The following BTBD7 variants were observed in gnomAD, a reference collection of about 807,000 sequenced individuals.
BTBD7 encodes BTB domain containing 7.
BTBD7 carries 38 observed loss-of-function variants against 99.9 expected under a neutral mutation model. The ratio of observed to expected loss-of-function variants is 0.38; its 90% CI spans 0.29 to 0.50. The LOEUF is 0.50. BTBD7 is among the 20% of genes least tolerant of loss of function. The pLI is 0.93. For synonymous variants in BTBD7, 520 were observed against 511.4 expected (o/e 1.02, Z -0.23); for missense variants, 1,170 against 1,394.6 (o/e 0.84, Z 2.57).
chr14:93,288,759 T>G (rs1377678933), intron 3 of BTBD7: 2 of 1,594,920 alleles, frequency 1.3e-6, no homozygotes, highest in African/African-American at 2.7e-5. Context: ...AACCCCTGAG[T>G]GTAATTTCAC....
chr14:93,267,468 T>A (rs2052555060), intron 3 of BTBD7, among the ~76,000 whole-genome samples: 1 of 152,144 alleles, frequency 6.6e-6, no homozygotes, highest in Admixed American at 6.5e-5. Flanking sequence ...CAGTCTGGAG[T>A]ACCTAAGCCG....
At chr14:93,275,427 T>C (rs1310783076) in intron 3 of BTBD7, among the ~76,000 whole-genome samples, 5 of 152,230 alleles carry the variant, frequency 3.3e-5, no homozygotes, top group African/African-American at 9.6e-5. Context: ...TTTAAAGTTG[T>C]AGTTTTCTGT....
At chr14:93,247,430 C>T (rs947077922) in intron 9 of BTBD7, among the ~76,000 whole-genome samples, 1 of 152,194 alleles carries the variant, frequency 6.6e-6, no homozygotes, top group African/African-American at 2.4e-5. Flanking sequence ...TCACAGCAAA[C>T]TCGGCCTCCC....
chr14:93,323,756 C>A (rs1051395394), intron 1 of BTBD7, among the ~76,000 whole-genome samples: 1 of 152,190 alleles, frequency 6.6e-6, no homozygotes, highest in African/African-American at 2.4e-5. Context: ...TCTGATCTCA[C>A]TGGTTTTTCC....
intron 1 of BTBD7, among the ~76,000 whole-genome samples, chr14:93,328,512 G>A (rs550950603): frequency 1.6e-4 from 24 of 150,546 alleles, no homozygotes; most frequent in African/African-American, 5.8e-4. Flanking sequence ...ATGGGAAATG[G>A]ACAGTTTTCT....
At chr14:93,313,529 T>A (rs2053162287) in intron 1 of BTBD7, among the ~76,000 whole-genome samples, 2 of 152,150 alleles carry the variant, frequency 1.3e-5, no homozygotes, top group Admixed American at 1.3e-4. Context: ...TAAAAGTACA[T>A]CACATTCCAC....
chr14:93,261,198 A>G (rs2052486046), intron 5 of BTBD7, among the ~76,000 whole-genome samples: 1 of 152,250 alleles, frequency 6.6e-6, no homozygotes, highest in Non-Finnish European at 1.5e-5. Flanking sequence ...AAACATTTTA[A>G]AGCGTACCAT....
chr14:93,288,674 G>A, intron 3 of BTBD7: 2 of 1,542,936 alleles, frequency 1.3e-6, no homozygotes, highest in Non-Finnish European at 1.8e-6. Flanking sequence ...TGAAAGCTCT[G>A]CTGCACAGGC....
intron 1 of BTBD7, among the ~76,000 whole-genome samples, chr14:93,297,744 G>T (rs1471746608): frequency 6.6e-6 from 1 of 152,208 alleles, no homozygotes; most frequent in Non-Finnish European, 1.5e-5. Flanking sequence ...GGCCAAGTTT[G>T]TGGCCTCATT....
intron 8 of BTBD7, 120 bp downstream of exon 8, chr14:93,251,343 G>A: frequency 9.2e-7 from 1 of 1,087,172 alleles, no homozygotes; most frequent in South Asian, 2.3e-5. Context: ...AGGAGAACAA[G>A]GCATAAAAAG....
At chr14:93,254,609 G>A (rs1188141842) in intron 6 of BTBD7, among the ~76,000 whole-genome samples, 1 of 152,140 alleles carries the variant, frequency 6.6e-6, no homozygotes, top group East Asian at 1.9e-4. Context: ...TCCTTTACCT[G>A]GGCTTCACTT....
chr14:93,324,007 A>G lies in BTBD7; in HGVS notation c.-107+8813T>C, dbSNP rs547665869. Among the ~76,000 whole-genome samples, 14 of 152,388 alleles carry G rather than the reference A, an allele frequency of 9.2e-5. No individual in the cohort carries two copies. The East Asian group carries it at 2.7e-3, about 29-fold the overall frequency. Reference sequence around the variant, plus strand: ...AGAGGAGTCAGGCATACAAGCAATTATAATACAGGGCAATAAAGAATAGAA... The same window carrying G: ...AGAGGAGTCAGGCATACAAGCAATTGTAATACAGGGCAATAAAGAATAGAA... On this transcript the variant is annotated intron_variant, in intron 1 of 10. Transcript: ENST00000334746.
intron 1 of BTBD7, among the ~76,000 whole-genome samples, chr14:93,319,987 C>A (rs1011678992): frequency 5.1e-4 from 78 of 151,980 alleles, no homozygotes; most frequent in African/African-American, 1.7e-3. Context: ...AATGGAACGG[C>A]CAGAGAGATA....
intron 8 of BTBD7, among the ~76,000 whole-genome samples, chr14:93,249,651 T>C (rs1165861631): frequency 6.6e-6 from 1 of 152,226 alleles, no homozygotes; most frequent in Non-Finnish European, 1.5e-5. Flanking sequence ...ACGTACTGTC[T>C]ACGGCTGTTG....
intron 3 of BTBD7, among the ~76,000 whole-genome samples, chr14:93,285,427 A>T (rs2052765626): frequency 6.6e-6 from 1 of 152,228 alleles, no homozygotes; most frequent in African/African-American, 2.4e-5. Flanking sequence ...TAAAGTTATA[A>T]ATAAATTTCA....
At chr14:93,254,844 T>C (rs2052411746) in intron 6 of BTBD7, among the ~76,000 whole-genome samples, 1 of 152,228 alleles carries the variant, frequency 6.6e-6, no homozygotes, top group Non-Finnish European at 1.5e-5. Flanking sequence ...CAAACCTTTG[T>C]TGGGGACTTA....
chr14:93,244,185 TAAAACTACA>T (rs1164160777), intron 10 of BTBD7: 1 of 434,034 alleles, frequency 2.3e-6, no homozygotes, highest in Non-Finnish European at 4.5e-6. Flanking sequence ...CGAAAAAGGG[TAAAACTACA>T]AAGACTGTGC....
At chr14:93,268,429 T>C (rs1462957874) in intron 3 of BTBD7, among the ~76,000 whole-genome samples, 5 of 152,196 alleles carry the variant, frequency 3.3e-5, no homozygotes, top group Non-Finnish European at 7.3e-5. Flanking sequence ...TCTGATTCTA[T>C]AGTGTCTGGC....
At chr14:93,324,301 T>C (rs972759443) in intron 1 of BTBD7, among the ~76,000 whole-genome samples, 1 of 151,878 alleles carries the variant, frequency 6.6e-6, no homozygotes, top group African/African-American at 2.4e-5. Context: ...TAGCCAGGTG[T>C]GGTGGCTACT....
Sources: gnomAD v4.1 joint callset for allele counts (sites outside exome capture counted in the v4.1 genomes callset) on GRCh38, gnomAD v4.1.1 for gene constraint, MANE v1.5 for transcripts, NCBI Gene and HGNC (gene_info 2026-07-23, HGNC 2026-07-21) for gene names.